The following FLNB variants were observed in gnomAD, a reference collection of about 807,000 sequenced individuals.
FLNB encodes filamin-B.
FLNB carries 111 observed loss-of-function variants against 250.6 expected under a neutral mutation model. The ratio of observed to expected loss-of-function variants is 0.44; its 90% CI spans 0.38 to 0.52. The LOEUF is 0.52. FLNB is among the 20% of genes least tolerant of loss of function. FLNB has a pLI of 0.00. For missense variants in FLNB, 2,869 were observed against 3,447.8 expected, an observed-to-expected ratio of 0.83 and a Z score of 4.20; for synonymous variants, 1,302 against 1,372.1, an observed-to-expected ratio of 0.95 and a Z score of 1.13.
chr3:58,121,560 A>ATG, intron 20 of FLNB, 57 bp downstream of exon 20: 1 of 1,600,264 alleles, frequency 6.2e-7, no homozygotes, highest in Non-Finnish European at 8.5e-7. Context: ...ATGACACCAT[A>ATG]GTCCTTCTCT....
intron 12 of FLNB, among the ~76,000 whole-genome samples, chr3:58,108,247 A>G (rs1428269331): frequency 6.6e-6 from 1 of 152,216 alleles, no homozygotes; most frequent in African/African-American, 2.4e-5. Context: ...ATTTGTTTAG[A>G]GAGTTTTCTC....
At chr3:58,011,075 C>T (rs562767483) in intron 1 of FLNB, among the ~76,000 whole-genome samples, 2 of 152,218 alleles carry the variant, frequency 1.3e-5, no homozygotes, top group South Asian at 2.1e-4. Flanking sequence ...CCACCACGCC[C>T]GGCTAATTTT....
chr3:58,134,028 A>G (rs985869464), intron 26 of FLNB, among the ~76,000 whole-genome samples: 1 of 152,164 alleles, frequency 6.6e-6, no homozygotes, highest in Non-Finnish European at 1.5e-5. Context: ...GTGTTTCCCA[A>G]ACTAATTTGT....
chr3:58,109,819 T>G, intron 15 of FLNB, 120 bp downstream of exon 15: 1 of 1,426,730 alleles, frequency 7.0e-7, no homozygotes, highest in Non-Finnish European at 9.9e-7. Context: ...AATCATCTAC[T>G]GAGCCTCTGA....
intron 1 of FLNB, among the ~76,000 whole-genome samples, chr3:58,019,792 T>C (rs2097111050): frequency 6.6e-6 from 1 of 152,212 alleles, no homozygotes; most frequent in Non-Finnish European, 1.5e-5. Flanking sequence ...TACCATATCT[T>C]TTCCCACACC....
chr3:58,148,620 T>C (rs1356929636), intron 35 of FLNB, 29 bp from the exon 36 acceptor site: 1 of 1,595,648 alleles, frequency 6.3e-7, no homozygotes, highest in East Asian at 2.2e-5. Context: ...GCCATCCCCT[T>C]ACAAGCCCCA....
intron 36 of FLNB, 45 bp from the exon 37 acceptor site, chr3:58,149,805 C>T: frequency 6.2e-7 from 1 of 1,613,280 alleles, no homozygotes; most frequent in Non-Finnish European, 8.5e-7. Flanking sequence ...GCTCCCTCTT[C>T]CTGAGGAGCT....
chr3:58,058,558 A>T (rs2097173730), intron 1 of FLNB, among the ~76,000 whole-genome samples: 1 of 152,190 alleles, frequency 6.6e-6, no homozygotes, highest in Non-Finnish European at 1.5e-5. Flanking sequence ...GATGTTCCTT[A>T]ATGTGGTTTT....
chr3:58,061,493 G>T (rs1375255806), intron 1 of FLNB, among the ~76,000 whole-genome samples: 1 of 150,950 alleles, frequency 6.6e-6, no homozygotes, highest in Non-Finnish European at 1.5e-5. Flanking sequence ...TTGGGAGACC[G>T]AGATGGGAGG....
intron 1 of FLNB, among the ~76,000 whole-genome samples, chr3:58,066,048 C>A (rs908872011): frequency 6.6e-6 from 1 of 151,972 alleles, no homozygotes; most frequent in African/African-American, 2.4e-5. Context: ...TCCTTGGGGG[C>A]CTTGAACTGT....
chr3:58,063,030 G>C (rs1008467175), intron 1 of FLNB, among the ~76,000 whole-genome samples: 2 of 152,202 alleles, frequency 1.3e-5, no homozygotes, highest in African/African-American at 4.8e-5. Flanking sequence ...AGCCTGATGA[G>C]GCGAGGGAGT....
chr3:58,104,463 G>A lies in FLNB; in HGVS notation c.1610+378G>A, dbSNP rs555839918. 3.3e-5 allele frequency among the ~76,000 whole-genome samples: 5 copies of A among 152,344 alleles called. No homozygotes were observed. In the South Asian group the frequency reaches 6.2e-4, roughly 19 times the overall value. On this transcript the variant is annotated intron_variant, in intron 10 of 45. Coordinates refer to ENST00000295956, the MANE Select transcript of FLNB (RefSeq NM_001457.4). ...ATCTGCTGTGGTTTACATTAAGACC[G>A]TCTACGTGAGTGCTGTCAGGGGCCA...
At chr3:58,010,204 G>A (rs1466857907) in intron 1 of FLNB, among the ~76,000 whole-genome samples, 1 of 152,162 alleles carries the variant, frequency 6.6e-6, no homozygotes, top group Non-Finnish European at 1.5e-5. Context: ...GACTGGCCCT[G>A]GCCTGTGATT....
intron 7 of FLNB, among the ~76,000 whole-genome samples, chr3:58,098,181 ATACT>A (rs2097242426): frequency 6.6e-6 from 1 of 152,224 alleles, no homozygotes; most frequent in South Asian, 2.1e-4. Context: ...TGAATAAGAC[ATACT>A]TCTTGAATTG....
At chr3:58,086,799 CCTATTCAAA>C (rs1283587131) in intron 4 of FLNB, among the ~76,000 whole-genome samples, 1 of 152,136 alleles carries the variant, frequency 6.6e-6, no homozygotes, top group African/African-American at 2.4e-5. Flanking sequence ...TTATTTGGAT[CCTATTCAAA>C]CTAATGGTTA....
chr3:58,104,193 G>GA, intron 10 of FLNB, 108 bp downstream of exon 10: 29 of 1,033,306 alleles, frequency 2.8e-5, no homozygotes, highest in Non-Finnish European at 3.6e-5. Context: ...CTGCTTTGTT[G>GA]AAAACTTTTT....
intron 28 of FLNB, among the ~76,000 whole-genome samples, chr3:58,136,991 G>T (rs1012052901): frequency 1.3e-5 from 2 of 152,098 alleles, no homozygotes; most frequent in Admixed American, 6.6e-5. Context: ...AAAGTGCTGG[G>T]ATTACAGGTG....
chr3:58,145,647 T>A (rs926778387), intron 32 of FLNB, among the ~76,000 whole-genome samples: 3 of 152,114 alleles, frequency 2.0e-5, no homozygotes, highest in Non-Finnish European at 4.4e-5. Flanking sequence ...CAGGTTGGGC[T>A]GGTACCTTAC....
intron 24 of FLNB, 82 bp from the exon 25 acceptor site, chr3:58,130,659 G>T: frequency 1.4e-6 from 2 of 1,449,504 alleles, no homozygotes; most frequent in South Asian, 2.4e-5. Flanking sequence ...GGTCCCGGGG[G>T]AGCAGCAGTG....
Sources: gnomAD v4.1 joint callset for allele counts (sites outside exome capture counted in the v4.1 genomes callset) on GRCh38, gnomAD v4.1.1 for gene constraint, MANE v1.5 for transcripts, NCBI Gene and HGNC (gene_info 2026-07-23, HGNC 2026-07-21) for gene names.